The following SPOCK3 variants were observed in gnomAD, a reference collection of about 807,000 sequenced individuals.
The protein encoded by SPOCK3 is SPARC (osteonectin), cwcv and kazal like domains proteoglycan 3, also known as testican-3.
In SPOCK3, 30 loss-of-function variants were observed where a neutral mutation model predicts 56.6. The observed-to-expected ratio is 0.53, with a 90% CI of 0.40 to 0.72. SPOCK3 has a LOEUF of 0.72. SPOCK3 is among the 30% of genes least tolerant of loss of function. SPOCK3 has a pLI of 0.00. For synonymous variants in SPOCK3, 196 were observed against 183.3 expected, an observed-to-expected ratio of 1.07 and a Z score of -0.56; for missense variants, 527 against 530.0, an observed-to-expected ratio of 0.99 and a Z score of 0.06.
chr4:167,039,552 T>C (rs1753068584), intron 3 of SPOCK3, among the ~76,000 whole-genome samples: 1 of 152,118 alleles, frequency 6.6e-6, no homozygotes, highest in Non-Finnish European at 1.5e-5. Flanking sequence ...TTTTACAGCA[T>C]TGACATCCAT....
intron 2 of SPOCK3, among the ~76,000 whole-genome samples, chr4:167,114,274 G>A (rs960257992): frequency 1.3e-5 from 2 of 152,132 alleles, no homozygotes; most frequent in African/African-American, 2.4e-5. Context: ...ACTCATGGAC[G>A]AAAACCTAAT....
chr4:166,912,353 A>G (rs754952496), intron 5 of SPOCK3, among the ~76,000 whole-genome samples: 12 of 152,170 alleles, frequency 7.9e-5, no homozygotes, highest in Non-Finnish European at 1.8e-4. Context: ...GCATGCTAAC[A>G]TTTCTGACTT....
At chr4:167,165,435 C>A (rs1168117808) in intron 2 of SPOCK3, among the ~76,000 whole-genome samples, 1 of 152,014 alleles carries the variant, frequency 6.6e-6, no homozygotes, top group Non-Finnish European at 1.5e-5. Context: ...GACATTTATG[C>A]AGCCAACAAA....
intron 4 of SPOCK3, among the ~76,000 whole-genome samples, chr4:166,922,418 G>C (rs956564420): frequency 1.3e-5 from 2 of 152,170 alleles, no homozygotes; most frequent in Non-Finnish European, 2.9e-5. Flanking sequence ...TTGAGGTCCT[G>C]ACTTTGATGC....
intron 2 of SPOCK3, among the ~76,000 whole-genome samples, chr4:167,221,745 C>A (rs905308060): frequency 6.6e-6 from 1 of 152,052 alleles, no homozygotes; most frequent in Non-Finnish European, 1.5e-5. Flanking sequence ...ATCAAAACCA[C>A]AATATCAACT....
intron 6 of SPOCK3, among the ~76,000 whole-genome samples, chr4:166,836,161 T>C (rs989855385): frequency 6.6e-6 from 1 of 152,222 alleles, no homozygotes; most frequent in African/African-American, 2.4e-5. Flanking sequence ...TGTCTGTGTC[T>C]AATAAATAGA....
intron 6 of SPOCK3, among the ~76,000 whole-genome samples, chr4:166,820,518 T>C (rs1744819854): frequency 1.3e-5 from 2 of 151,888 alleles, no homozygotes; most frequent in South Asian, 4.2e-4. Context: ...ATGCCAACTC[T>C]CATACCAAAC....
chr4:166,934,461 G>GCGCTT (rs1488632367), intron 4 of SPOCK3, among the ~76,000 whole-genome samples: 1 of 152,024 alleles, frequency 6.6e-6, no homozygotes, highest in East Asian at 1.9e-4. Context: ...TCGCGCCACT[G>GCGCTT]CGCTTCAGCC....
chr4:166,736,666 T>C (rs990580402), intron 10 of SPOCK3, among the ~76,000 whole-genome samples: 2 of 152,050 alleles, frequency 1.3e-5, no homozygotes, highest in Non-Finnish European at 2.9e-5. Context: ...TTTTTGATCA[T>C]TTATATTAAT....
intron 6 of SPOCK3, among the ~76,000 whole-genome samples, chr4:166,853,398 A>G (rs2126881060): frequency 6.6e-6 from 1 of 152,344 alleles, no homozygotes; most frequent in East Asian, 1.9e-4. Flanking sequence ...TTTTTCCTAC[A>G]TGCTGATCTC....
At chr4:167,096,692 T>A (rs1417987282) in intron 2 of SPOCK3, among the ~76,000 whole-genome samples, 1 of 151,872 alleles carries the variant, frequency 6.6e-6, no homozygotes, top group African/African-American at 2.4e-5. Context: ...TCTGTTGTCA[T>A]GAGTATTCCA....
At chr4:166,951,281 C>A (rs1742582102) in intron 4 of SPOCK3, among the ~76,000 whole-genome samples, 1 of 139,544 alleles carries the variant, frequency 7.2e-6, no homozygotes, top group Non-Finnish European at 1.5e-5. Flanking sequence ...ATACAAACTA[C>A]CATCAGAGAT....
intron 4 of SPOCK3, among the ~76,000 whole-genome samples, chr4:166,961,039 A>G (rs760330089): frequency 1.3e-5 from 2 of 152,202 alleles, no homozygotes; most frequent in Non-Finnish European, 2.9e-5. Flanking sequence ...TTATTGAACT[A>G]CATGTATTCA....
intron 6 of SPOCK3, among the ~76,000 whole-genome samples, chr4:166,858,917 A>C (rs1023327062): frequency 1.3e-5 from 2 of 152,148 alleles, no homozygotes; most frequent in African/African-American, 2.4e-5. Flanking sequence ...GTCACATAAC[A>C]TTTCAGTCAA....
At chr4:166,783,009 G>A (rs1318008710) in intron 7 of SPOCK3, among the ~76,000 whole-genome samples, 1 of 152,150 alleles carries the variant, frequency 6.6e-6, no homozygotes, top group Non-Finnish European at 1.5e-5. Flanking sequence ...CATAGTATGA[G>A]CTTATATTTG....
At chr4:166,840,770 A>ATTTTTTTTTTT (rs758844653) in intron 6 of SPOCK3, among the ~76,000 whole-genome samples, 2 of 81,308 alleles carry the variant, frequency 2.5e-5, no homozygotes, top group Non-Finnish European at 4.4e-5. Context: ...CAGAAGCAAA[A>ATTTTTTTTTTT]GTTTTTTTTT....
chr4:167,154,859 T>A (rs2150424081), intron 2 of SPOCK3, among the ~76,000 whole-genome samples: 1 of 152,250 alleles, frequency 6.6e-6, no homozygotes, highest in Non-Finnish European at 1.5e-5. Flanking sequence ...TACATGAAAT[T>A]GCTAGCATCT....
At chr4:167,018,125 T>C (rs887327581) in intron 3 of SPOCK3, among the ~76,000 whole-genome samples, 3 of 152,130 alleles carry the variant, frequency 2.0e-5, no homozygotes, top group Non-Finnish European at 2.9e-5. Context: ...ATAACTTGTA[T>C]AATAAATGAT....
chr4:166,852,343 C>G (rs1418726181), intron 6 of SPOCK3, among the ~76,000 whole-genome samples: 5 of 152,036 alleles, frequency 3.3e-5, no homozygotes, highest in Admixed American at 3.3e-4. Context: ...AATTTCTTCT[C>G]CTGGCAAAGG....
Sources: gnomAD v4.1 joint callset for allele counts (sites outside exome capture counted in the v4.1 genomes callset) on GRCh38, gnomAD v4.1.1 for gene constraint, MANE v1.5 for transcripts, NCBI Gene and HGNC (gene_info 2026-07-23, HGNC 2026-07-21) for gene names.